FTCDNL1: variants seen among roughly 807,000 people sequenced by gnomAD.
The protein encoded by FTCDNL1 is formiminotransferase N-terminal subdomain-containing protein.
A neutral mutation model predicts 5.9 loss-of-function variants in FTCDNL1; 11 were observed. The ratio of observed to expected loss-of-function variants is 1.87; its 90% CI spans 1.18 to 3.10. The LOEUF (loss-of-function observed/expected upper bound fraction) is 3.10. FTCDNL1 is among the 30% of genes most tolerant of loss of function. FTCDNL1 has a pLI of 0.00. For synonymous variants in FTCDNL1, 58 were observed against 24.8 expected (o/e 2.34, Z -3.99); for missense variants, 115 against 65.5 (o/e 1.76, Z -2.61).
At chr2:199,812,784 A>C (rs945212657) in intron 4 of FTCDNL1, 60 bp from the exon 5 acceptor site, 1 of 680,118 alleles carries the variant, frequency 1.5e-6, no homozygotes, top group African/African-American at 1.8e-5. Flanking sequence ...CTTTAATGAA[A>C]AATTTATCAT....
intron 4 of FTCDNL1, among the ~76,000 whole-genome samples, chr2:199,815,601 G>A (rs1032769536): frequency 6.6e-6 from 1 of 152,032 alleles, no homozygotes; most frequent in Admixed American, 6.5e-5. Flanking sequence ...GAGGGAAATC[G>A]CTATTGTTGG....
Position 199,811,760 on chromosome 2 carries a change from C to T in FTCDNL1, c.*945G>A, listed in dbSNP as rs879146681. Among the ~76,000 whole-genome samples the T allele has an allele frequency of 6.6e-6, 1 of 152,104 alleles. No individual in the cohort carries two copies. The highest frequency in any genetic ancestry group is 1.5e-5 in the Non-Finnish European group (1 of 68,032). ...CTTCCATTGCATGTCTAATAACTTCCCCCTGTTAGTAGAATTTCCAAAGTT... is the reference window on the plus strand; with the variant it reads ...CTTCCATTGCATGTCTAATAACTTCTCCCTGTTAGTAGAATTTCCAAAGTT... On this transcript the variant is annotated 3_prime_UTR_variant, in exon 5 of 5. Transcript: ENST00000420128.
At chr2:199,687,985 G>T in the FTCDNL1 span, among the ~76,000 whole-genome samples, 1 of 152,080 alleles carries the variant, frequency 6.6e-6, no homozygotes, top group East Asian at 1.9e-4. Flanking sequence ...GGTGGCTCAC[G>T]CCTGTAATCC....
the FTCDNL1 span, among the ~76,000 whole-genome samples, chr2:199,702,489 A>G: frequency 2.0e-5 from 3 of 152,202 alleles, no homozygotes; most frequent in African/African-American, 7.2e-5. Context: ...GCAGACCCTC[A>G]GCATACTCAA....
At chr2:199,676,823 T>A in the FTCDNL1 span, among the ~76,000 whole-genome samples, 1 of 152,272 alleles carries the variant, frequency 6.6e-6, no homozygotes, top group African/African-American at 2.4e-5. Context: ...TATGTTGTTA[T>A]GTCCCACATG....
intron 3 of FTCDNL1, among the ~76,000 whole-genome samples, chr2:199,776,705 A>G (rs1699089937): frequency 1.3e-5 from 2 of 152,146 alleles, no homozygotes; most frequent in South Asian, 4.1e-4. Context: ...CCCCACCCAA[A>G]CTGGAGTTCA....
chr2:199,760,914 AT>A, intron 3 of FTCDNL1: 1 of 697,824 alleles, frequency 1.4e-6, no homozygotes. Context: ...CTCAACCCCC[AT>A]TCCTTTCCTT....
the FTCDNL1 span, among the ~76,000 whole-genome samples, chr2:199,667,476 A>AAAC: frequency 6.7e-6 from 1 of 150,080 alleles, no homozygotes; most frequent in East Asian, 2.0e-4. Context: ...GTCTCTACAA[A>AAAC]AAACAAACAA....
chr2:199,740,478 G>T, the FTCDNL1 span, among the ~76,000 whole-genome samples: 1 of 152,312 alleles, frequency 6.6e-6, no homozygotes, highest in East Asian at 1.9e-4. Flanking sequence ...CATGGGAGCT[G>T]CCCGGAGGAG....
chr2:199,697,181 A>T, the FTCDNL1 span, among the ~76,000 whole-genome samples: 1 of 152,174 alleles, frequency 6.6e-6, no homozygotes, highest in Non-Finnish European at 1.5e-5. Context: ...CTGATACAGG[A>T]GAATGGCGTG....
At chr2:199,794,410 C>T (rs1003042423) in intron 3 of FTCDNL1, among the ~76,000 whole-genome samples, 7 of 152,188 alleles carry the variant, frequency 4.6e-5, no homozygotes, top group African/African-American at 1.4e-4. Context: ...TCCAAATGTA[C>T]TAGCTAATAA....
chr2:199,664,181 T>C, the FTCDNL1 span, among the ~76,000 whole-genome samples: 1 of 152,180 alleles, frequency 6.6e-6, no homozygotes, highest in African/African-American at 2.4e-5. Context: ...CATTTCAAGA[T>C]AAAACTACAT....
At chr2:199,826,670 C>T (rs1446562579) in intron 3 of FTCDNL1, among the ~76,000 whole-genome samples, 1 of 152,042 alleles carries the variant, frequency 6.6e-6, no homozygotes, top group Non-Finnish European at 1.5e-5. Flanking sequence ...TGGCATGCAC[C>T]TGTAATCCCA....
chr2:199,706,981 C>T, the FTCDNL1 span, among the ~76,000 whole-genome samples: 1 of 152,214 alleles, frequency 6.6e-6, no homozygotes, highest in Non-Finnish European at 1.5e-5. Flanking sequence ...TGCTCCTGGT[C>T]AGCTTATTTA....
the FTCDNL1 span, among the ~76,000 whole-genome samples, chr2:199,743,751 G>A: frequency 3.3e-5 from 5 of 152,034 alleles, no homozygotes; most frequent in Non-Finnish European, 2.9e-5. Flanking sequence ...GTTCCTCTGA[G>A]GGTTCTTCTA....
chr2:199,792,341 AATCTGCT>A (rs1699973887), intron 3 of FTCDNL1, among the ~76,000 whole-genome samples: 2 of 152,138 alleles, frequency 1.3e-5, no homozygotes, highest in African/African-American at 4.8e-5. Context: ...TATCCAACCA[AATCTGCT>A]ATACCCTTCC....
At chr2:199,695,003 T>C in the FTCDNL1 span, among the ~76,000 whole-genome samples, 1 of 152,186 alleles carries the variant, frequency 6.6e-6, no homozygotes, top group Non-Finnish European at 1.5e-5. Context: ...CTATCTTGCT[T>C]GGATTAGTGA....
At chr2:199,749,108 C>T in the FTCDNL1 span, among the ~76,000 whole-genome samples, 1 of 152,134 alleles carries the variant, frequency 6.6e-6, no homozygotes, top group Admixed American at 6.5e-5. Context: ...TGGCTAACTC[C>T]CACTTCTCTA....
the FTCDNL1 span, among the ~76,000 whole-genome samples, chr2:199,692,390 T>C: frequency 1.9e-3 from 288 of 152,348 alleles, no homozygotes; most frequent in Non-Finnish European, 2.8e-3. Flanking sequence ...TCACTATAAC[T>C]CATTAGAATT....
Sources: allele counts gnomAD v4.1 joint callset (sites outside exome capture counted in the v4.1 genomes callset), GRCh38; gene constraint gnomAD v4.1.1; transcripts MANE v1.5; gene names NCBI Gene and HGNC (gene_info 2026-07-23, HGNC 2026-07-21).